The following HMCN2 variants were observed in gnomAD, a reference collection of about 807,000 sequenced individuals.
The protein encoded by HMCN2 is hemicentin-2.
In HMCN2, 325 loss-of-function variants were observed where a neutral mutation model predicts 377.5. The observed-to-expected ratio is 0.86, with a 90% CI of 0.79 to 0.94. The LOEUF (loss-of-function observed/expected upper bound fraction) is 0.94, where lower values mean the gene tolerates loss of function less well. HMCN2 is among the 40% of genes least tolerant of loss of function. The pLI is 0.00. For missense variants in HMCN2, 4,543 were observed against 4,725.3 expected, an observed-to-expected ratio of 0.96 and a Z score of 1.13; for synonymous variants, 2,007 against 2,046.8, an observed-to-expected ratio of 0.98 and a Z score of 0.53.
chr9:130,345,390 G>T (rs995663743), intron 25 of HMCN2, among the ~76,000 whole-genome samples: 1 of 146,842 alleles, frequency 6.8e-6, no homozygotes, highest in Non-Finnish European at 1.5e-5. Flanking sequence ...GTAGTGTGTG[G>T]TGTGTGTGTG....
At position 130,429,689 on chromosome 9, in the gene HMCN2, C is replaced by T. The variant is rs1488710677; in HGVS notation, c.14326+4C>T. 26 of 1,340,930 alleles carry T rather than the reference C, an allele frequency of 1.9e-5. No individual in the cohort carries two copies. The highest frequency in any genetic ancestry group is 4.6e-5 in the African/African-American group (3 of 65,602). 83.1% of individuals were successfully genotyped at this position (1,340,930 alleles called of 1,614,324 possible). A position where few individuals can be genotyped will look rare whatever the true frequency, so the allele number is the denominator to read the frequency against. On this transcript the variant is annotated splice_donor_region_variant and intron_variant, in intron 94 of 97. Coordinates refer to ENST00000683500, the MANE Select transcript of HMCN2 (RefSeq NM_001291815.2). ...GGCCCCAGCCTGCCCTGCCTAGGTACGGGGACACCCACCCTCTGGCCACAC... is the reference window on the plus strand; with the variant it reads ...GGCCCCAGCCTGCCCTGCCTAGGTATGGGGACACCCACCCTCTGGCCACAC...
Position 130,275,323 on chromosome 9 carries a change from A to G in HMCN2, c.259+9186A>G, listed in dbSNP as rs1834631294. Among the ~76,000 whole-genome samples, 4 of 152,328 alleles carry G rather than the reference A, an allele frequency of 2.6e-5. No individual in the cohort carries two copies. The South Asian group carries it at 8.3e-4, about 32-fold the overall frequency. ...GTCAGAGGTGAGGATGCAGGCGTGC[A>G]GAGCAGATGTGTTTGGGCCACACAC... On this transcript the variant is annotated intron_variant, in intron 1 of 97. Transcript: ENST00000683500.
intron 1 of HMCN2, among the ~76,000 whole-genome samples, chr9:130,275,876 G>GCCTGGAGT (rs56184877): frequency 6.6e-6 from 1 of 152,086 alleles, no homozygotes; most frequent in Admixed American, 6.6e-5. Context: ...AGGCCTGGAG[G>GCCTGGAGT]TCTGAGCGGC....
At chr9:130,269,414 A>G (rs1834290348) in intron 1 of HMCN2, among the ~76,000 whole-genome samples, 1 of 147,202 alleles carries the variant, frequency 6.8e-6, no homozygotes, top group Non-Finnish European at 1.5e-5. Context: ...GTTTTTACGT[A>G]GGCTTAAGTT....
rs782207123 is a variant in HMCN2, at chr9:130,302,867, C to T, written c.1287C>T (p.Leu429=). The T allele has an allele frequency of 8.1e-5, 38 of 467,378 alleles. No individual in the cohort carries two copies. Among genetic ancestry groups the T allele is most frequent in the Middle Eastern group, 3.3e-4 (1 of 3,048 alleles). 29.0% of individuals were successfully genotyped at this position (467,378 alleles called of 1,614,324 possible). ...GGTCCCCGCCTACAGGCGCTCCCCT[C>T]GTCAGCATGGCCCCCAGGATCCATG... The part of the protein sequence containing the change: ...SYSGVAPGAP[L]VSMAPRIHGY... The change falls in exon 9 of 98, where the codon CTC becomes CTT. Residue 429 remains leucine (L), a synonymous_variant. Coordinates refer to ENST00000683500, the MANE Select transcript of HMCN2 (RefSeq NM_001291815.2).
intron 15 of HMCN2, among the ~76,000 whole-genome samples, chr9:130,311,971 G>C (rs1415502258): frequency 6.6e-6 from 1 of 152,202 alleles, no homozygotes; most frequent in African/African-American, 2.4e-5. Context: ...ACGGAAACAC[G>C]AGCCGGCGCT....
At chr9:130,306,449 T>C (rs1836862973) in intron 12 of HMCN2, among the ~76,000 whole-genome samples, 179 bp downstream of exon 12, 1 of 152,156 alleles carries the variant, frequency 6.6e-6, no homozygotes, top group African/African-American at 2.4e-5. Context: ...AATGCCACAG[T>C]GTGGGCTCAG....
At chr9:130,358,585 T>C in intron 36 of HMCN2, 99 bp downstream of exon 36, 5 of 1,070,218 alleles carry the variant, frequency 4.7e-6, no homozygotes, top group Middle Eastern at 2.7e-4. Context: ...GGGGAGGAGG[T>C]TTTTCAGTCA....
At chr9:130,371,858 C>T (rs537616690) in intron 46 of HMCN2, among the ~76,000 whole-genome samples, 1 of 152,304 alleles carries the variant, frequency 6.6e-6, no homozygotes, top group African/African-American at 2.4e-5. Context: ...ATCTGCCCTC[C>T]ACACACTGAT....
chr9:130,387,519 A>G (rs1842090774), intron 61 of HMCN2, among the ~76,000 whole-genome samples: 1 of 152,168 alleles, frequency 6.6e-6, no homozygotes, highest in Non-Finnish European at 1.5e-5. Context: ...GTGGGCAAGC[A>G]TTTATTTCAT....
intron 5 of HMCN2, 111 bp downstream of exon 5, chr9:130,295,137 C>A: frequency 6.9e-6 from 2 of 290,602 alleles, no homozygotes; most frequent in South Asian, 2.8e-5. Context: ...CATGAGGCTC[C>A]AGGAATAGGG....
At chr9:130,356,395 C>G (rs953457591) in intron 34 of HMCN2, 138 bp downstream of exon 34, 1 of 841,262 alleles carries the variant, frequency 1.2e-6, no homozygotes, top group African/African-American at 1.8e-5. Context: ...CTTCCCAGTT[C>G]CCCACAGAGA....
chr9:130,336,069 C>T (rs1214143502), intron 22 of HMCN2, among the ~76,000 whole-genome samples: 2 of 151,880 alleles, frequency 1.3e-5, no homozygotes, highest in African/African-American at 4.8e-5. Context: ...GAGACCTGCT[C>T]CGGTGCATGT....
chr9:130,320,902 C>CCGTGAGTGT lies in HMCN2; in HGVS notation c.2775+2_2775+10dup, dbSNP rs1837817922. On this transcript the variant is annotated inframe_insertion and splice_region_variant, in exon 18 of 98. Coordinates refer to ENST00000683500, the MANE Select transcript of HMCN2 (RefSeq NM_001291815.2). Reference sequence around the variant, plus strand: ...AGGCACTGGCTCAAGGACGGCCGGCCCGTGAGTGTCGGGCTCCTCTGGGTG... The same window carrying CCGTGAGTGT: ...AGGCACTGGCTCAAGGACGGCCGGCCCGTGAGTGTCGTGAGTGTCGGGCTCCTCTGGGTG... 2 of 152,432 alleles carry CCGTGAGTGT rather than the reference C, an allele frequency of 1.3e-5. No homozygotes were observed. Among genetic ancestry groups the CCGTGAGTGT allele is most frequent in the African/African-American group, 2.4e-5 (1 of 41,558 alleles). The allele number at this position is 152,432 out of a possible 1,614,324, so 9.4% of individuals were successfully genotyped here.
chr9:130,272,547 T>G (rs1042693271), intron 1 of HMCN2, among the ~76,000 whole-genome samples: 11 of 150,510 alleles, frequency 7.3e-5, no homozygotes, highest in Non-Finnish European at 1.0e-4. Flanking sequence ...GGCCTCTTCT[T>G]CTTCTTCTTT....
In HMCN2 at chr9:130,392,073, C is replaced by G; in HGVS notation, c.10091C>G (p.Pro3364Arg). 1.0e-6 allele frequency: 1 copy of G among 988,604 alleles called. No individual in the cohort carries two copies. The highest frequency in any genetic ancestry group is 1.2e-6 in the Non-Finnish European group (1 of 830,588). The allele number at this position is 988,604 out of a possible 1,614,324, so 61.2% of individuals were successfully genotyped here. ...VSWLKDGLPLPLSQRTLLHGS... is the reference protein window; with the variant it reads ...VSWLKDGLPLRLSQRTLLHGS... ...TGGCTCAAGGACGGCCTGCCCCTCC[C>G]GCTCTCCCAGCGCACCCTCCTCCAC... The change falls in exon 66 of 98, where the codon CCG becomes CGG. Residue 3364 changes from proline to arginine, a missense_variant. Pro to Arg is a moderately radical substitution (Grantham distance 103). Around this residue, in one of 5 missense-constraint regions of HMCN2, gnomAD observed 1,073 missense variants for 1,319.5 expected, o/e 0.81. Transcript: ENST00000683500.
At chr9:130,350,051 T>C (rs1429737094) in intron 29 of HMCN2, among the ~76,000 whole-genome samples, 2 of 151,314 alleles carry the variant, frequency 1.3e-5, no homozygotes, top group Non-Finnish European at 2.9e-5. Context: ...GGACCACAGG[T>C]GTGCGCTACC....
intron 49 of HMCN2, among the ~76,000 whole-genome samples, chr9:130,375,073 G>C (rs758240526): frequency 6.6e-6 from 1 of 152,168 alleles, no homozygotes; most frequent in Non-Finnish European, 1.5e-5. Context: ...TGGAGAAACA[G>C]AGCATCTATC....
chr9:130,287,707 G>C (rs1302044166), intron 4 of HMCN2, among the ~76,000 whole-genome samples: 5 of 152,184 alleles, frequency 3.3e-5, no homozygotes. Context: ...GAGTCCCGAT[G>C]GCCACAGCCT....
Sources: allele counts gnomAD v4.1 joint callset (sites outside exome capture counted in the v4.1 genomes callset), GRCh38; gene constraint gnomAD v4.1.1; regional missense constraint gnomAD v4.1.1; transcripts MANE v1.5; gene names NCBI Gene and HGNC (gene_info 2026-07-23, HGNC 2026-07-21).